SLC35D4: variants seen among roughly 807,000 people sequenced by gnomAD.
SLC35D4 encodes UDP-N-acetylglucosamine transporter SLC35D4.
At chr18:23,290,324 C>A in the SLC35D4 span, among the ~76,000 whole-genome samples, 1 of 152,370 alleles carries the variant, frequency 6.6e-6, no homozygotes, top group Non-Finnish European at 1.5e-5. Context: ...GGCCTGATTG[C>A]CCTGGCCTCC....
At chr18:23,291,070 T>G in the SLC35D4 span, among the ~76,000 whole-genome samples, 1 of 152,240 alleles carries the variant, frequency 6.6e-6, no homozygotes, top group South Asian at 2.1e-4. Context: ...CTCAATATCT[T>G]TTGAATGAAT....
chr18:23,290,347 C>T, the SLC35D4 span, among the ~76,000 whole-genome samples: 1 of 152,350 alleles, frequency 6.6e-6, no homozygotes, highest in East Asian at 1.9e-4. Context: ...GAACCAGCTG[C>T]GGGGAAGGGG....
At chr18:23,355,113 T>G in the SLC35D4 span, among the ~76,000 whole-genome samples, 2 of 152,106 alleles carry the variant, frequency 1.3e-5, no homozygotes, top group Non-Finnish European at 2.9e-5. Flanking sequence ...GGAAAACCAA[T>G]GCATTCCTCA....
At chr18:23,271,209 C>T in the SLC35D4 span, among the ~76,000 whole-genome samples, 1 of 152,170 alleles carries the variant, frequency 6.6e-6, no homozygotes, top group Admixed American at 6.5e-5. Flanking sequence ...TCTCATCTGC[C>T]GCCATGTGAG....
chr18:23,413,348 C>T, the SLC35D4 span, among the ~76,000 whole-genome samples: 1 of 152,198 alleles, frequency 6.6e-6, no homozygotes, highest in Non-Finnish European at 1.5e-5. Flanking sequence ...CTGACAATCC[C>T]TAAAGCCCAA....
the SLC35D4 span, chr18:23,298,058 G>A: frequency 5.7e-4 from 922 of 1,613,666 alleles, no homozygotes; most frequent in Non-Finnish European, 7.1e-4. Flanking sequence ...CAAGCGCACC[G>A]AGCAGGAGGC....
the SLC35D4 span, among the ~76,000 whole-genome samples, chr18:23,306,225 A>AC: frequency 7.0e-4 from 107 of 152,016 alleles, 2 homozygotes; most frequent in South Asian, 0.015. Context: ...ACAAATGCAA[A>AC]AAAAAAAAGA....
At chr18:23,416,166 G>A in the SLC35D4 span, among the ~76,000 whole-genome samples, 12 of 152,188 alleles carry the variant, frequency 7.9e-5, no homozygotes, top group South Asian at 2.1e-4. Flanking sequence ...AGCCGAGATC[G>A]TGCCATTGCC....
chr18:23,389,600 C>T, the SLC35D4 span, among the ~76,000 whole-genome samples: 1 of 152,084 alleles, frequency 6.6e-6, no homozygotes, highest in Middle Eastern at 3.4e-3. Context: ...GGCTGGAGTG[C>T]AGTGGCACGA....
chr18:23,319,334 G>A, the SLC35D4 span, among the ~76,000 whole-genome samples: 845 of 151,384 alleles, frequency 5.6e-3, 5 homozygotes, highest in South Asian at 0.021. Flanking sequence ...GCAATAGCAC[G>A]ATCTTGGCTC....
the SLC35D4 span, chr18:23,297,833 G>A: frequency 2.8e-6 from 2 of 709,598 alleles, no homozygotes; most frequent in South Asian, 1.8e-5. Flanking sequence ...GGCCTCATCA[G>A]CCACCACCAC....
the SLC35D4 span, among the ~76,000 whole-genome samples, chr18:23,279,508 G>A: frequency 2.0e-5 from 3 of 152,256 alleles, no homozygotes; most frequent in East Asian, 5.8e-4. Context: ...ACCTTATTTG[G>A]AGATAAGGTC....
chr18:23,387,465 GGTGTCAATAAC>G, the SLC35D4 span, among the ~76,000 whole-genome samples: 1 of 152,062 alleles, frequency 6.6e-6, no homozygotes, highest in Non-Finnish European at 1.5e-5. Context: ...CTGCACAAAG[GGTGTCAATAAC>G]ATTAACTGGT....
the SLC35D4 span, chr18:23,260,367 G>C: frequency 3.9e-5 from 6 of 152,204 alleles, no homozygotes; most frequent in Non-Finnish European, 7.3e-5. Flanking sequence ...TCTGTACCAC[G>C]TGCCCTACCT....
At chr18:23,241,523 C>T in the SLC35D4 span, among the ~76,000 whole-genome samples, 1 of 152,088 alleles carries the variant, frequency 6.6e-6, no homozygotes, top group South Asian at 2.1e-4. Context: ...AGCGAAACTA[C>T]GTCTCAAAAA....
the SLC35D4 span, among the ~76,000 whole-genome samples, chr18:23,299,170 C>T: frequency 2.0e-5 from 3 of 152,204 alleles, no homozygotes; most frequent in Non-Finnish European, 4.4e-5. Context: ...GGTGATCTTG[C>T]GTACGTTTTC....
chr18:23,348,689 T>C, the SLC35D4 span, among the ~76,000 whole-genome samples: 13 of 152,362 alleles, frequency 8.5e-5, no homozygotes, highest in Middle Eastern at 3.4e-3. Flanking sequence ...TGTGTGGTTC[T>C]TCCATCCTTT....
At chr18:23,313,926 G>A in the SLC35D4 span, among the ~76,000 whole-genome samples, 1 of 152,216 alleles carries the variant, frequency 6.6e-6, no homozygotes, top group Non-Finnish European at 1.5e-5. Context: ...TTTCTAGGCT[G>A]CCTGGCTCTG....
chr18:23,282,201 A>T, the SLC35D4 span, among the ~76,000 whole-genome samples: 6 of 152,180 alleles, frequency 3.9e-5, no homozygotes, highest in Non-Finnish European at 8.8e-5. Context: ...CCTTTCACAG[A>T]GAGCAGGAAA....
Sources: allele counts gnomAD v4.1 joint callset (sites outside exome capture counted in the v4.1 genomes callset), GRCh38; gene constraint gnomAD v4.1.1; transcripts MANE v1.5; gene names NCBI Gene and HGNC (gene_info 2026-07-23, HGNC 2026-07-21).